The following CCR3 variants were observed in gnomAD, a reference collection of about 807,000 sequenced individuals.
The protein encoded by CCR3 is C-C motif chemokine receptor 3, also known as C-C chemokine receptor type 3.
For synonymous variants in CCR3, 203 were observed against 179.2 expected, an observed-to-expected ratio of 1.13 and a Z score of -1.06; for missense variants, 419 against 437.5, an observed-to-expected ratio of 0.96 and a Z score of 0.38.
At chr3:46,250,121 C>T (rs1164815073) in intron 1 of CCR3, among the ~76,000 whole-genome samples, 7 of 152,046 alleles carry the variant, frequency 4.6e-5, no homozygotes, top group Non-Finnish European at 7.4e-5. Context: ...AGAGCCTAAA[C>T]GCTTCTGATT....
intron 1 of CCR3, among the ~76,000 whole-genome samples, chr3:46,254,740 G>T (rs1383384052): frequency 6.6e-6 from 1 of 152,010 alleles, no homozygotes; most frequent in East Asian, 1.9e-4. Context: ...TACAATGTTT[G>T]GTTTTCCATT....
chr3:46,250,814 GT>G (rs1700293400), intron 1 of CCR3, among the ~76,000 whole-genome samples: 1 of 151,476 alleles, frequency 6.6e-6, no homozygotes, highest in Non-Finnish European at 1.5e-5. Flanking sequence ...GGGTTCAGGG[GT>G]TCTTACCCTC....
chr3:46,234,642 C>T (rs1402758719), intron 2 of CCR3, among the ~76,000 whole-genome samples: 1 of 152,154 alleles, frequency 6.6e-6, no homozygotes, highest in Admixed American at 6.5e-5. Context: ...CCCTGATTTC[C>T]CTTGTTTTTA....
At chr3:46,252,899 G>A (rs1485850621) in intron 1 of CCR3, among the ~76,000 whole-genome samples, 1 of 151,814 alleles carries the variant, frequency 6.6e-6, no homozygotes, top group Non-Finnish European at 1.5e-5. Context: ...ATAGGTTGGA[G>A]GGTTACATGA....
intron 1 of CCR3, among the ~76,000 whole-genome samples, chr3:46,248,315 A>T (rs1367822691): frequency 6.6e-6 from 1 of 152,216 alleles, no homozygotes; most frequent in Admixed American, 6.5e-5. Flanking sequence ...TTTGGAAGTT[A>T]TGAGAAATGT....
intron 1 of CCR3, among the ~76,000 whole-genome samples, chr3:46,246,814 A>G (rs1052528029): frequency 6.6e-6 from 1 of 151,982 alleles, no homozygotes; most frequent in African/African-American, 2.4e-5. Flanking sequence ...TGGTATGGAG[A>G]GAGAATGGGC....
intron 2 of CCR3, among the ~76,000 whole-genome samples, chr3:46,222,070 T>A (rs934193036): frequency 2.0e-5 from 3 of 152,190 alleles, no homozygotes; most frequent in Non-Finnish European, 4.4e-5. Flanking sequence ...TAGGCAGGCC[T>A]CCCAGGCTGT....
intron 1 of CCR3, among the ~76,000 whole-genome samples, chr3:46,248,723 G>C (rs566146789): frequency 6.6e-6 from 1 of 152,288 alleles, no homozygotes; most frequent in South Asian, 2.1e-4. Flanking sequence ...GGGTGTCAGG[G>C]TCAGTCTAAG....
At chr3:46,252,574 A>T (rs1005832003) in intron 1 of CCR3, among the ~76,000 whole-genome samples, 6 of 152,174 alleles carry the variant, frequency 3.9e-5, no homozygotes, top group Admixed American at 2.6e-4. Flanking sequence ...ACTTTTCTGG[A>T]TACTCCAGGT....
upstream of CCR3, among the ~76,000 whole-genome samples, chr3:46,240,013 C>A (rs1002924401): frequency 4.6e-5 from 7 of 152,350 alleles, no homozygotes; most frequent in African/African-American, 1.4e-4. Context: ...TCAATCTTAT[C>A]TCCCTCCACT....
intron 1 of CCR3, among the ~76,000 whole-genome samples, chr3:46,243,002 T>TATATAC (rs56773457): frequency 5.5e-4 from 68 of 123,682 alleles, no homozygotes; most frequent in East Asian, 1.3e-3. Context: ...TATATATATA[T>TATATAC]ACGCACACAC....
chr3:46,226,086 T>C (rs957084549), intron 2 of CCR3, among the ~76,000 whole-genome samples: 2 of 152,234 alleles, frequency 1.3e-5, no homozygotes, highest in African/African-American at 4.8e-5. Context: ...TGTAGCTATA[T>C]AATACGTCAT....
chr3:46,223,173 G>A (rs1396165844), intron 2 of CCR3, among the ~76,000 whole-genome samples: 1 of 152,156 alleles, frequency 6.6e-6, no homozygotes, highest in Non-Finnish European at 1.5e-5. Flanking sequence ...CCAATGTGGT[G>A]AAACCCTGTC....
chr3:46,227,332 AAT>A (rs1699912344), intron 2 of CCR3, among the ~76,000 whole-genome samples: 1 of 53,440 alleles, frequency 1.9e-5, no homozygotes, highest in Admixed American at 2.1e-4. Flanking sequence ...AAGCTGTAGT[AAT>A]ATCCCGTTTT....
chr3:46,251,634 CCAAA>C (rs1485274902), intron 1 of CCR3, among the ~76,000 whole-genome samples: 4 of 152,090 alleles, frequency 2.6e-5, no homozygotes, highest in African/African-American at 9.7e-5. Context: ...GAAGAGACCA[CCAAA>C]CAGGCTTTGT....
intron 1 of CCR3, among the ~76,000 whole-genome samples, chr3:46,254,466 C>T (rs1700376796): frequency 6.9e-6 from 1 of 145,602 alleles, no homozygotes; most frequent in Admixed American, 6.8e-5. Flanking sequence ...GTATTTTTCC[C>T]CCCTGGGTTC....
upstream of CCR3, among the ~76,000 whole-genome samples, chr3:46,240,471 G>A (rs1311699679): frequency 6.6e-6 from 1 of 151,864 alleles, no homozygotes; most frequent in Non-Finnish European, 1.5e-5. Context: ...CTTCCACATG[G>A]CCAAATTCTG....
intron 2 of CCR3, among the ~76,000 whole-genome samples, chr3:46,221,636 A>T (rs867421762): frequency 3.3e-5 from 5 of 152,150 alleles, no homozygotes; most frequent in Middle Eastern, 3.4e-3. Context: ...CTAGACTTTT[A>T]GTCTTATTCC....
At chr3:46,233,934 A>G (rs1198788421) in intron 2 of CCR3, among the ~76,000 whole-genome samples, 1 of 152,140 alleles carries the variant, frequency 6.6e-6, no homozygotes, top group East Asian at 1.9e-4. Context: ...ATTGAGTCTC[A>G]GCTTCCCCAT....
Sources: allele counts gnomAD v4.1 joint callset (sites outside exome capture counted in the v4.1 genomes callset), GRCh38; gene constraint gnomAD v4.1.1; transcripts MANE v1.5; gene names NCBI Gene and HGNC (gene_info 2026-07-23, HGNC 2026-07-21).